The following SPEF2 variants were observed in gnomAD, a reference collection of about 807,000 sequenced individuals.
SPEF2 encodes the protein sperm flagellar and cilia associated 2, also known as sperm flagella and cilia-associated protein 2.
In SPEF2, 187 loss-of-function variants were observed where a neutral mutation model predicts 224.6. That is an observed-to-expected ratio of 0.83 (90% confidence interval 0.74 to 0.94). The LOEUF (loss-of-function observed/expected upper bound fraction) is 0.94. Ranked by LOEUF, SPEF2 falls within the 40% of genes least tolerant of loss-of-function variation. SPEF2 has a pLI of 0.00. For synonymous variants in SPEF2, 715 were observed against 707.3 expected (o/e 1.01, Z -0.17); for missense variants, 2,170 against 2,135.6 (o/e 1.02, Z -0.32).
intron 20 of SPEF2, among the ~76,000 whole-genome samples, chr5:35,714,620 A>T (rs1742152032): frequency 6.6e-6 from 1 of 151,394 alleles, no homozygotes; most frequent in Admixed American, 6.6e-5. Flanking sequence ...TCAGTTCTGA[A>T]ATGCAAGCTA....
chr5:35,744,788 C>G (rs547358393), intron 23 of SPEF2, among the ~76,000 whole-genome samples: 2 of 152,138 alleles, frequency 1.3e-5, no homozygotes, highest in Non-Finnish European at 2.9e-5. Flanking sequence ...ACTGGATCAT[C>G]ATGGCAGACA....
At chr5:35,751,934 A>G (rs1435485369) in intron 23 of SPEF2, among the ~76,000 whole-genome samples, 2 of 152,104 alleles carry the variant, frequency 1.3e-5, no homozygotes, top group Non-Finnish European at 2.9e-5. Context: ...GGCACCAGGG[A>G]CCAGTTTCGT....
intron 36 of SPEF2, among the ~76,000 whole-genome samples, chr5:35,811,434 A>G (rs1301764830): frequency 6.6e-6 from 1 of 152,214 alleles, no homozygotes; most frequent in African/African-American, 2.4e-5. Context: ...TTTGAAAAAA[A>G]TAAGTATGCA....
chr5:35,703,230 A>G (rs1486385267), intron 16 of SPEF2, among the ~76,000 whole-genome samples: 1 of 151,960 alleles, frequency 6.6e-6, no homozygotes, highest in Non-Finnish European at 1.5e-5. Flanking sequence ...TTATTCAAAG[A>G]TGCCTACCAG....
intron 34 of SPEF2, among the ~76,000 whole-genome samples, chr5:35,804,013 G>C (rs1580797665): frequency 6.6e-6 from 1 of 152,192 alleles, no homozygotes; most frequent in Non-Finnish European, 1.5e-5. Flanking sequence ...TCTGCCACCT[G>C]TGTGGCGTGG....
intron 33 of SPEF2, among the ~76,000 whole-genome samples, chr5:35,797,048 G>A (rs1174074043): frequency 1.3e-5 from 2 of 152,194 alleles, no homozygotes; most frequent in African/African-American, 4.8e-5. Flanking sequence ...TTCTTCATTA[G>A]TTGGAAGCAA....
rs1400463076 is a variant in SPEF2 at position 35,800,094 on chromosome 5, G to C, written c.4957G>C (p.Val1653Leu). 3 of 1,614,128 alleles carry C rather than the reference G, an allele frequency of 1.9e-6. No individual in the cohort carries two copies. The highest frequency in any genetic ancestry group is 2.5e-6 in the Non-Finnish European group (3 of 1,180,020). ...EGVYRALSVAVGTHVFQQVKA... is the reference protein window; with the variant it reads ...EGVYRALSVALGTHVFQQVKA... ...AGTCTACAGGGCCCTCAGTGTGGCT[G>C]TTGGAACTCATGTCTTCCAACAAGT... The change falls in exon 34 of 37, where the codon GTT becomes CTT. Residue 1653 changes from valine (V) to leucine (L), a missense_variant. Coordinates refer to ENST00000356031, the MANE Select transcript of SPEF2 (RefSeq NM_024867.4).
intron 10 of SPEF2, among the ~76,000 whole-genome samples, chr5:35,676,901 C>G (rs1418711204): frequency 6.6e-6 from 1 of 152,086 alleles, no homozygotes; most frequent in Non-Finnish European, 1.5e-5. Context: ...AAGACACCCC[C>G]CACACCACCA....
At chr5:35,663,841 G>A (rs1750059305) in intron 8 of SPEF2, among the ~76,000 whole-genome samples, 1 of 152,162 alleles carries the variant, frequency 6.6e-6, no homozygotes, top group Admixed American at 6.5e-5. Flanking sequence ...GTCATCAGGT[G>A]CAAGCCCAGT....
chr5:35,788,583 C>T, intron 30 of SPEF2: 1 of 702,810 alleles, frequency 1.4e-6, no homozygotes, highest in Non-Finnish European at 2.6e-6. Flanking sequence ...GATCCTCTGG[C>T]AATAAAAAAT....
chr5:35,632,868 A>G (rs1040177559), intron 2 of SPEF2: 3 of 152,078 alleles, frequency 2.0e-5, no homozygotes, highest in Non-Finnish European at 2.9e-5. Context: ...GAATTTTCCA[A>G]ATTTACTGTA....
intron 30 of SPEF2, among the ~76,000 whole-genome samples, chr5:35,785,775 T>C (rs959443606): frequency 6.6e-6 from 1 of 151,622 alleles, no homozygotes; most frequent in Admixed American, 6.6e-5. Flanking sequence ...GCCTATTCTG[T>C]CTTGAACTCC....
intron 2 of SPEF2, among the ~76,000 whole-genome samples, chr5:35,636,095 C>A (rs1285553874): frequency 6.6e-6 from 1 of 152,028 alleles, no homozygotes; most frequent in Admixed American, 6.6e-5. Context: ...GTTGTTGTTG[C>A]TGCTGCTTCT....
At chr5:35,786,318 G>A (rs978438605) in intron 30 of SPEF2, among the ~76,000 whole-genome samples, 4 of 152,028 alleles carry the variant, frequency 2.6e-5, no homozygotes, top group East Asian at 1.9e-4. Flanking sequence ...ATTTAGAATC[G>A]CAAAAATGGG....
chr5:35,670,104 T>G lies in SPEF2; in HGVS notation c.1401T>G (p.Phe467Leu). 5.6e-6 allele frequency: 9 copies of G among 1,610,282 alleles called. No individual in the cohort carries two copies. Among genetic ancestry groups the G allele is most frequent in the Non-Finnish European group, 7.6e-6 (9 of 1,178,364 alleles). ...TGCATGATTGGAAGGAACTATTTTT[T>G]AATGCAAAACCCATATATGAACAAG... Reference protein sequence around the residue: ...KLMHDWKELFFNAKPIYEQAS... With the variant: ...KLMHDWKELFLNAKPIYEQAS... Residue 467 changes from phenylalanine (F) to leucine (L), a missense_variant, in exon 10 of 37, where the codon TTT (phenylalanine) becomes TTG (leucine). Coordinates refer to ENST00000356031, the MANE Select transcript of SPEF2 (RefSeq NM_024867.4).
intron 20 of SPEF2, among the ~76,000 whole-genome samples, chr5:35,714,680 T>TTATATTTATTTA (rs373603694): frequency 7.4e-6 from 1 of 134,562 alleles, no homozygotes; most frequent in African/African-American, 2.8e-5. Context: ...TTGGGTTTAT[T>TTATATTTATTTA]TTTATTTATT....
chr5:35,728,496 T>G (rs1230807049), intron 21 of SPEF2, among the ~76,000 whole-genome samples: 1 of 152,196 alleles, frequency 6.6e-6, no homozygotes, highest in Non-Finnish European at 1.5e-5. Flanking sequence ...TTCTCCCTCA[T>G]TCCAGTCCGC....
chr5:35,783,693 T>C (rs955150371), intron 30 of SPEF2, among the ~76,000 whole-genome samples: 4 of 152,284 alleles, frequency 2.6e-5, no homozygotes, highest in Admixed American at 1.3e-4. Context: ...AATCATAAAG[T>C]AATGTGGTTT....
intron 6 of SPEF2, among the ~76,000 whole-genome samples, chr5:35,650,149 C>A (rs952249364): frequency 2.0e-5 from 3 of 152,118 alleles, no homozygotes; most frequent in African/African-American, 7.2e-5. Flanking sequence ...ACTTCAGTTT[C>A]ATATTAAAAT....
Sources: gnomAD v4.1 joint callset for allele counts (sites outside exome capture counted in the v4.1 genomes callset) on GRCh38, gnomAD v4.1.1 for gene constraint, MANE v1.5 for transcripts, NCBI Gene and HGNC (gene_info 2026-07-23, HGNC 2026-07-21) for gene names.